MAEA: variants seen among roughly 807,000 people sequenced by gnomAD.
MAEA encodes E3 ubiquitin-protein transferase MAEA.
Under a neutral mutation model 46.2 loss-of-function variants are expected in MAEA, and 22 were observed. The ratio of observed to expected loss-of-function variants is 0.48; its 90% CI spans 0.34 to 0.68. MAEA has a LOEUF of 0.68. Among genes scored for constraint, MAEA ranks in the 30% least tolerant of loss-of-function variants. The pLI is 0.01. For synonymous variants in MAEA, 246 were observed against 222.6 expected (o/e 1.11, Z -0.94); for missense variants, 393 against 558.1 (o/e 0.70, Z 2.98).
intron 4 of MAEA, among the ~76,000 whole-genome samples, chr4:1,323,762 C>A (rs754281603): frequency 2.0e-5 from 3 of 152,218 alleles, no homozygotes; most frequent in Non-Finnish European, 4.4e-5. Flanking sequence ...TTCCTGCAAG[C>A]CCTAATTACC....
intron 4 of MAEA, among the ~76,000 whole-genome samples, chr4:1,325,643 G>A (rs1398495949): frequency 2.6e-5 from 4 of 152,166 alleles, no homozygotes; most frequent in South Asian, 4.1e-4. Flanking sequence ...CTCTAGACAC[G>A]GCAGCCATCA....
At chr4:1,297,083 T>C (rs1184337085) in intron 1 of MAEA, among the ~76,000 whole-genome samples, 1 of 152,116 alleles carries the variant, frequency 6.6e-6, no homozygotes, top group Non-Finnish European at 1.5e-5. Flanking sequence ...AGTTCAAAGA[T>C]ACGATACCAG....
At position 1,305,285 on chromosome 4, in the gene MAEA, G is replaced by A. The variant is rs558582773; in HGVS notation, c.70-6694G>A. 5.9e-5 allele frequency among the ~76,000 whole-genome samples: 9 copies of A among 152,280 alleles called. No homozygotes were observed. In the South Asian group the frequency reaches 6.2e-4, roughly 11 times the overall value. On this transcript the variant is annotated intron_variant, in intron 1 of 8. Coordinates refer to ENST00000303400, the MANE Select transcript of MAEA (RefSeq NM_001017405.3). ...GAGCAAGTGGTCCCTGTGGAAAGCC[G>A]CTGCACTAGGTGAGCCCGGCCCTGG... is the stretch of plus-strand genomic sequence containing the variant.
rs1407759304 is a variant in MAEA at position 1,311,933 on chromosome 4, C to T, written c.70-46C>T. The T allele has an allele frequency of 1.9e-6, 3 of 1,550,202 alleles. No homozygotes were observed. Among genetic ancestry groups the T allele is most frequent in the South Asian group, 1.2e-5 (1 of 84,562 alleles). ...TGTCCTGGGTGTGGGGCTGGTGGGG[C>T]TCACACCAGGGGAGCAGATCCCTCA... On this transcript the variant is annotated intron_variant, in intron 1 of 8. Coordinates refer to ENST00000303400, the MANE Select transcript of MAEA (RefSeq NM_001017405.3). This position sits in a 1 kb window ranked among gnomAD's most constrained non-coding sequence, Gnocchi z 4.4.
chr4:1,309,435 C>T (rs1409216412), intron 1 of MAEA: 3 of 1,276,266 alleles, frequency 2.4e-6, no homozygotes, highest in Non-Finnish European at 2.0e-6. Flanking sequence ...GCGGTGCTTT[C>T]CGGGGCTGGC....
At chr4:1,290,960 T>G (rs1447933153) in intron 1 of MAEA, among the ~76,000 whole-genome samples, 1 of 152,194 alleles carries the variant, frequency 6.6e-6, no homozygotes, top group African/African-American at 2.4e-5. Context: ...TGACTGTTTA[T>G]TCTTGTCAGG....
intron 6 of MAEA, among the ~76,000 whole-genome samples, chr4:1,333,325 A>G (rs1712093933): frequency 6.6e-6 from 1 of 151,066 alleles, no homozygotes; most frequent in South Asian, 2.1e-4. Flanking sequence ...GGGGTGACAG[A>G]GCAGGACCTT....
chr4:1,310,504 T>A (rs192692434), intron 1 of MAEA, among the ~76,000 whole-genome samples: 41 of 152,336 alleles, frequency 2.7e-4, no homozygotes, highest in Admixed American at 1.9e-3. Context: ...CGTCTCCTGT[T>A]GTCACTGCTT....
At chr4:1,332,946 C>A (rs764679586) in intron 6 of MAEA, 81 bp downstream of exon 6, 208 of 1,075,644 alleles carry the variant, frequency 1.9e-4, no homozygotes, top group Middle Eastern at 7.6e-4. Flanking sequence ...TGCTTCCACA[C>A]GTGGGGCGGG....
chr4:1,321,399 G>A (rs1244022663), intron 3 of MAEA, among the ~76,000 whole-genome samples: 1 of 151,172 alleles, frequency 6.6e-6, no homozygotes, highest in African/African-American at 2.4e-5. Flanking sequence ...AACACTGTGA[G>A]GGGTTTCAGA....
At chr4:1,338,664 G>A (rs776685552) in intron 8 of MAEA, 47 bp downstream of exon 8, 21 of 1,535,576 alleles carry the variant, frequency 1.4e-5, no homozygotes, top group East Asian at 7.3e-5. Context: ...CATCGCCATC[G>A]GGACAGGGCT....
intron 5 of MAEA, among the ~76,000 whole-genome samples, chr4:1,328,323 G>T (rs1284687058): frequency 1.3e-5 from 2 of 152,176 alleles, no homozygotes; most frequent in South Asian, 2.1e-4. Context: ...GAGGCTGTCC[G>T]CTGGCTTCCC....
chr4:1,303,712 A>C (rs183679961), intron 1 of MAEA, among the ~76,000 whole-genome samples: 1 of 152,258 alleles, frequency 6.6e-6, no homozygotes, highest in East Asian at 1.9e-4. Context: ...TGGTTTGTAC[A>C]ACCTTGTGCT....
At chr4:1,296,751 T>A (rs969805352) in intron 1 of MAEA, among the ~76,000 whole-genome samples, 1 of 152,048 alleles carries the variant, frequency 6.6e-6, no homozygotes, top group African/African-American at 2.4e-5. Context: ...CAGATGTTCC[T>A]CTTGAGGACA....
chr4:1,326,691 T>C (rs1577216119), intron 4 of MAEA, among the ~76,000 whole-genome samples: 1 of 150,418 alleles, frequency 6.6e-6, no homozygotes, highest in East Asian at 2.0e-4. Context: ...CTCCGTCTTC[T>C]ACACATCCTG....
chr4:1,308,864 G>C (rs1193553668), intron 1 of MAEA, among the ~76,000 whole-genome samples: 1 of 152,142 alleles, frequency 6.6e-6, no homozygotes, highest in Non-Finnish European at 1.5e-5. Context: ...TTTTTACTCT[G>C]TTGGTTTTTC....
In MAEA at chr4:1,321,466, C is replaced by G. The variant is rs1023142285; in HGVS notation, c.457-915C>G. On this transcript the variant is annotated intron_variant, in intron 3 of 8. Transcript: ENST00000303400. ...AAATGCTATGAAGGGGTTTCAGAAA[C>G]AAGAAATCATGAAAGAAAAGGTGCA... Among the ~76,000 whole-genome samples the G allele has an allele frequency of 2.0e-5, 3 of 152,208 alleles. No individual in the cohort carries two copies. In the East Asian group the frequency reaches 5.8e-4, roughly 29 times the overall value.
chr4:1,302,107 C>G (rs539497751), intron 1 of MAEA, among the ~76,000 whole-genome samples: 2 of 151,688 alleles, frequency 1.3e-5, no homozygotes, highest in Non-Finnish European at 2.9e-5. Flanking sequence ...TCAACAAAAT[C>G]TTAGAAAACT....
rs140647710 is a variant in MAEA, at chr4:1,311,541, G to A, written c.70-438G>A. ...CAACCCCAGCCCGTGTGGAGCCCAC[G>A]CCCCATGCACCCTTGTCCCTGCCCG... On this transcript the variant is annotated intron_variant, in intron 1 of 8. Transcript: ENST00000303400. The surrounding 1 kb of genome is among the most constrained non-coding windows in gnomAD (Gnocchi z 4.4). Among the ~76,000 whole-genome samples the A allele has an allele frequency of 5.8e-4, 88 of 152,226 alleles. No individual in the cohort carries two copies. Among genetic ancestry groups the A allele is most frequent in the Non-Finnish European group, 9.7e-4 (66 of 68,004 alleles).
Sources: gnomAD v4.1 joint callset for allele counts (sites outside exome capture counted in the v4.1 genomes callset) on GRCh38, gnomAD v4.1.1 for gene constraint, Gnocchi (gnomAD v3.1) non-coding constraint, MANE v1.5 for transcripts, NCBI Gene and HGNC (gene_info 2026-07-23, HGNC 2026-07-21) for gene names.